Variants in UNC13D observed in about 807,000 individuals in gnomAD.
The protein encoded by UNC13D is unc-13 homolog D, also known as protein unc-13 homolog D.
Under a neutral mutation model 151.7 loss-of-function variants are expected in UNC13D, and 115 were observed. The observed-to-expected ratio is 0.76, with a 90% confidence interval of 0.65 to 0.88. The LOEUF is 0.88. UNC13D is among the 40% of genes least tolerant of loss of function. The pLI, the probability that UNC13D is intolerant of heterozygous loss-of-function variation, is 0.00. For missense variants in UNC13D, 1,369 were observed against 1,438.7 expected (o/e 0.95, Z 0.78); for synonymous variants, 588 against 612.2 (o/e 0.96, Z 0.58).
At chr17:75,843,566 G>T in intron 1 of UNC13D, 47 bp from the exon 2 acceptor site, 1 of 1,601,998 alleles carries the variant, frequency 6.2e-7, no homozygotes, top group Non-Finnish European at 8.5e-7. Flanking sequence ...CCCAGAGCAG[G>T]CTCAGATGGA....
rs755348845 is a variant in UNC13D at position 75,835,450 on chromosome 17, C to A, written c.1807G>T (p.Glu603Ter). 31 of 1,612,818 alleles carry A rather than the reference C, an allele frequency of 1.9e-5. No individual in the cohort carries two copies. Among genetic ancestry groups the A allele is most frequent in the Non-Finnish European group, 2.6e-5 (31 of 1,179,766 alleles). The change falls in exon 20 of 32, where the codon GAG becomes TAG. Residue 603 changes from glutamate (E) to a stop codon, truncating the protein, a stop_gained. Transcript: ENST00000207549. LOFTEE classifies it high-confidence loss of function. ...IPSWLQKTYN[E>*]ALARVQRAVQ... is the part of the protein sequence containing the mutation. ...GCGCGCTGCACCCGCGCCAGGGCCTCGTTGTACGTCTTCTGCAGCCAGGAG... is the reference window on the plus strand; with the variant it reads ...GCGCGCTGCACCCGCGCCAGGGCCTAGTTGTACGTCTTCTGCAGCCAGGAG...
chr17:75,830,981 CCA>C (rs2064868154), intron 27 of UNC13D, 115 bp downstream of exon 27: 4 of 1,242,100 alleles, frequency 3.2e-6, no homozygotes, highest in Non-Finnish European at 4.5e-6. Flanking sequence ...AATAAGGGGC[CCA>C]GTTTTTCATT....
chr17:75,836,679 G>C lies in UNC13D; in HGVS notation c.1191C>G (p.Ala397=), dbSNP rs1219634020. 1 of 1,613,710 alleles carries C rather than the reference G, an allele frequency of 6.2e-7. No homozygotes were observed. The highest frequency in any genetic ancestry group is 1.3e-5 in the African/African-American group (1 of 75,076). ...CGTAGGTCAGCAGGGAGCTGAATGA[G>C]GCGGCCAGCTCCTCCTGCTGAAGAG... is the stretch of plus-strand genomic sequence containing the variant. ...LKAEQQEELA[A]SFSSLLTYGL... is the part of the protein sequence containing the mutation. The change falls in exon 14 of 32, where the codon GCC becomes GCG. Residue 397 remains alanine (A), a synonymous_variant. Transcript: ENST00000207549.
rs752742945 is a variant in UNC13D at position 75,835,993 on chromosome 17, G to A, written c.1544+19C>T. On this transcript the variant is annotated intron_variant, in intron 17 of 31. Transcript: ENST00000207549. ...CTGAGGCAATGCCCCACTACCTCCC[G>A]ACCTGGCTATCTGCTCACTTGTGGA... 24 of 1,613,978 alleles carry A rather than the reference G, an allele frequency of 1.5e-5. No individual in the cohort carries two copies. Among genetic ancestry groups the A allele is most frequent in the Non-Finnish European group, 1.8e-5 (21 of 1,180,034 alleles).
intron 2 of UNC13D, 61 bp from the exon 3 acceptor site, chr17:75,843,327 G>T (rs550133640): frequency 6.3e-7 from 1 of 1,593,746 alleles, no homozygotes; most frequent in Non-Finnish European, 8.5e-7. Context: ...AACACCTCTC[G>T]CCATGGGCAG....
At chr17:75,842,786 C>A (rs2064958460) in intron 5 of UNC13D, 71 bp downstream of exon 5, 2 of 1,605,786 alleles carry the variant, frequency 1.2e-6, no homozygotes, top group Admixed American at 3.3e-5. Flanking sequence ...CGCCAAGAGT[C>A]CTGGGCCAGG....
Position 75,843,147 on chromosome 17 carries a change from A to T in UNC13D, c.261+12T>A, listed in dbSNP as rs751464048. On this transcript the variant is annotated intron_variant, in intron 3 of 31. Transcript: ENST00000207549. ...GCTGCAGGAAGGGGGGTGGGGTGGG[A>T]GCCGGGCTCACCTCCTGCAGGTATC... 1 of 1,610,982 alleles carries T rather than the reference A, an allele frequency of 6.2e-7. No homozygotes were observed.
At chr17:75,837,709 G>A (rs2064918307) in intron 12 of UNC13D, among the ~76,000 whole-genome samples, 1 of 144,696 alleles carries the variant, frequency 6.9e-6, no homozygotes, top group Admixed American at 7.0e-5. Flanking sequence ...AGCTGAGATT[G>A]TGCCATGGCA....
rs2062132116 is a variant in UNC13D at position 75,827,547 on chromosome 17, G to A, written c.*418C>T. The stretch of plus-strand genomic sequence containing the variant: ...AGGGTCCCCTCTCCCTTTTCCAGGA[G>A]ACTCTGTGCCTGTAGCCCTGGTCCC... On this transcript the variant is annotated 3_prime_UTR_variant, in exon 32 of 32. Coordinates refer to ENST00000207549, the MANE Select transcript of UNC13D (RefSeq NM_199242.3). 2 of 1,534,158 alleles carry A rather than the reference G, an allele frequency of 1.3e-6. No individual in the cohort carries two copies. Among genetic ancestry groups the A allele is most frequent in the African/African-American group, 2.7e-5 (2 of 73,024 alleles).
rs747371772 is a variant in UNC13D, at chr17:75,840,285, G to A, written c.798C>T (p.Arg266=). The change falls in exon 10 of 32, where the codon CGC becomes CGT. Residue 266 remains arginine, a synonymous_variant. Coordinates refer to ENST00000207549, the MANE Select transcript of UNC13D (RefSeq NM_199242.3). The surrounding 1 kb of genome is among the most constrained non-coding windows in gnomAD (Gnocchi z 4.6). The part of the protein sequence containing the change: ...REDQWYPLEP[R]TETYPDRGQC... ...GGCCTCGGTCTGGGTAGGTCTCAGTGCGGGGTTCCAGGGGGTACCACTGGT... is the reference window on the plus strand; with the variant it reads ...GGCCTCGGTCTGGGTAGGTCTCAGTACGGGGTTCCAGGGGGTACCACTGGT... 6.2e-7 allele frequency: 1 copy of A among 1,614,020 alleles called. No homozygotes were observed. The highest frequency in any genetic ancestry group is 1.1e-5 in the South Asian group (1 of 91,084).
chr17:75,830,996 G>GAAA, intron 27 of UNC13D, 102 bp downstream of exon 27: 1 of 1,376,264 alleles, frequency 7.3e-7, no homozygotes, highest in Non-Finnish European at 1.0e-6. Context: ...TTTTCATTTT[G>GAAA]TACTGGGCCC....
In UNC13D at chr17:75,835,793, G is replaced by GTGGA; in HGVS notation, c.1597-20_1597-17dup. 2.5e-6 allele frequency: 4 copies of GTGGA among 1,614,026 alleles called. No homozygotes were observed. Among genetic ancestry groups the GTGGA allele is most frequent in the Non-Finnish European group, 2.5e-6 (3 of 1,180,040 alleles). On this transcript the variant is annotated splice_polypyrimidine_tract_variant and intron_variant, in intron 18 of 31. Coordinates refer to ENST00000207549, the MANE Select transcript of UNC13D (RefSeq NM_199242.3). ...GCTTGGCCACCTGCAAAGGAAAGGTGTGGAGGGCGGGGCCCACAGCTCTGT... is the reference window on the plus strand; with the variant it reads ...GCTTGGCCACCTGCAAAGGAAAGGTGTGGATGGAGGGCGGGGCCCACAGCTCTGT...
At position 75,830,561 on chromosome 17, in the gene UNC13D, C is replaced by G; in HGVS notation, c.2709+17G>C. 6.4e-7 allele frequency: 1 copy of G among 1,566,200 alleles called. No homozygotes were observed. Among genetic ancestry groups the G allele is most frequent in the Non-Finnish European group, 8.7e-7 (1 of 1,155,412 alleles). On this transcript the variant is annotated intron_variant, in intron 28 of 31. Coordinates refer to ENST00000207549, the MANE Select transcript of UNC13D (RefSeq NM_199242.3). Reference sequence around the variant, plus strand: ...TCCAGGGCCTGCAGAGGGCGCAGTGCGAGGGAGGGGCCTCACCTGCTGCTG... The same window carrying G: ...TCCAGGGCCTGCAGAGGGCGCAGTGGGAGGGAGGGGCCTCACCTGCTGCTG...
intron 25 of UNC13D, chr17:75,831,607 G>A (rs1222668289): frequency 1.1e-5 from 6 of 546,718 alleles, no homozygotes; most frequent in Non-Finnish European, 2.0e-5. Flanking sequence ...GCACACTAAC[G>A]GAATGCACAA....
At position 75,836,149 on chromosome 17, in the gene UNC13D, C is replaced by A. The variant is rs552218351; in HGVS notation, c.1447-40G>T. 1.9e-5 allele frequency: 30 copies of A among 1,612,182 alleles called. No homozygotes were observed. In the African/African-American group the frequency reaches 4.0e-4, roughly 21 times the overall value. The stretch of plus-strand genomic sequence containing the variant: ...GTGGGCTGGGCAGGGCTGCCAGAGG[C>A]AGGCACCACCCCCCGTGACCCCCTG... On this transcript the variant is annotated intron_variant, in intron 16 of 31. Transcript: ENST00000207549.
rs1431407116 is a variant in UNC13D, at chr17:75,834,475, G to A, written c.2148C>T (p.Pro716=). The A allele has an allele frequency of 8.3e-6, 13 of 1,566,216 alleles. No individual in the cohort carries two copies. The highest frequency in any genetic ancestry group is 4.6e-5 in the South Asian group (4 of 86,824). Residue 716 remains proline (P), a synonymous_variant, in exon 23 of 32, where the codon CCC becomes CCT. Transcript: ENST00000207549. The part of the protein sequence containing the change: ...EQLRLVIGKL[P]AQLAWEALEQ... Reference sequence around the variant, plus strand: ...CCAGGGCCTCCCATGCCAGCTGGGCGGGCAACTTGCCGATCACCAGCCGCA... The same window carrying A: ...CCAGGGCCTCCCATGCCAGCTGGGCAGGCAACTTGCCGATCACCAGCCGCA...
intron 31 of UNC13D, 73 bp downstream of exon 31, chr17:75,828,714 A>G: frequency 7.1e-7 from 1 of 1,401,770 alleles, no homozygotes; most frequent in South Asian, 1.6e-5. Flanking sequence ...CCCTGGCATC[A>G]CCTCTCTGGG....
rs1422107083 is a variant in UNC13D, at chr17:75,833,647, C to T, written c.2367+428G>A. Among the ~76,000 whole-genome samples the T allele has an allele frequency of 6.6e-6, 1 of 152,126 alleles. No homozygotes were observed. Among genetic ancestry groups the T allele is most frequent in the Non-Finnish European group, 1.5e-5 (1 of 68,026 alleles). ...TTGTCATATTGTTCACTGACCTATCCCCAGTGCTTAAATCAATGCATAGGA... is the reference window on the plus strand; with the variant it reads ...TTGTCATATTGTTCACTGACCTATCTCCAGTGCTTAAATCAATGCATAGGA... On this transcript the variant is annotated intron_variant, in intron 24 of 31. Coordinates refer to ENST00000207549, the MANE Select transcript of UNC13D (RefSeq NM_199242.3). The surrounding 1 kb of genome is among the most constrained non-coding windows in gnomAD (Gnocchi z 4.0).
chr17:75,831,907 G>A (rs979375439), intron 25 of UNC13D: 1 of 166,894 alleles, frequency 6.0e-6, no homozygotes, highest in Non-Finnish European at 1.3e-5. Flanking sequence ...GTTGCAGTGA[G>A]CCAAGATTGC....
Sources: gnomAD v4.1 joint callset for allele counts (sites outside exome capture counted in the v4.1 genomes callset) on GRCh38, gnomAD v4.1.1 for gene constraint, Gnocchi (gnomAD v3.1) non-coding constraint, MANE v1.5 for transcripts, NCBI Gene and HGNC (gene_info 2026-07-23, HGNC 2026-07-21) for gene names.